CSGALNACT1: variants seen among roughly 807,000 people sequenced by gnomAD.
CSGALNACT1 encodes the protein beta4GalNAcT-1.
A neutral mutation model predicts 51.0 loss-of-function variants in CSGALNACT1; 52 were observed. The observed-to-expected ratio is 1.02, with a 90% CI of 0.82 to 1.29. The LOEUF is 1.29. CSGALNACT1 is among the 50% of genes most tolerant of loss of function. The pLI is 0.00. For missense variants in CSGALNACT1, 935 were observed against 679.2 expected, an observed-to-expected ratio of 1.38 and a Z score of -4.19; for synonymous variants, 341 against 254.4, an observed-to-expected ratio of 1.34 and a Z score of -3.24.
intron 5 of CSGALNACT1, among the ~76,000 whole-genome samples, chr8:19,441,856 C>T (rs1369819257): frequency 6.6e-6 from 1 of 150,886 alleles, no homozygotes; most frequent in African/African-American, 2.4e-5. Flanking sequence ...CTACAATGAA[C>T]TCCAACAAAT....
intron 1 of CSGALNACT1, among the ~76,000 whole-genome samples, chr8:19,753,190 A>G (rs1226077397): frequency 6.6e-6 from 1 of 152,164 alleles, no homozygotes; most frequent in East Asian, 1.9e-4. Context: ...AGTCTGTGCA[A>G]ATGGGATCTC....
intron 5 of CSGALNACT1, among the ~76,000 whole-genome samples, chr8:19,457,167 A>C (rs1192274161): frequency 6.6e-6 from 1 of 152,240 alleles, no homozygotes; most frequent in African/African-American, 2.4e-5. Context: ...CAAAGGTCTA[A>C]GACTATTTGA....
At chr8:19,491,685 A>G (rs1445263300) in intron 4 of CSGALNACT1, among the ~76,000 whole-genome samples, 1 of 152,208 alleles carries the variant, frequency 6.6e-6, no homozygotes, top group Non-Finnish European at 1.5e-5. Context: ...TTTAAGTTTC[A>G]GCAAGAATTT....
intron 1 of CSGALNACT1, among the ~76,000 whole-genome samples, chr8:19,707,062 G>A (rs2062214822): frequency 6.6e-6 from 1 of 152,006 alleles, no homozygotes; most frequent in Admixed American, 6.6e-5. Flanking sequence ...CAGCACCCAG[G>A]GATTCATCTA....
At chr8:19,550,465 C>G (rs1226534005) in intron 3 of CSGALNACT1, among the ~76,000 whole-genome samples, 1 of 152,194 alleles carries the variant, frequency 6.6e-6, no homozygotes, top group Admixed American at 6.5e-5. Flanking sequence ...AGCCCTCTTT[C>G]ATGGATGCAA....
chr8:19,604,063 T>G (rs564590346), upstream of CSGALNACT1, among the ~76,000 whole-genome samples: 9 of 152,310 alleles, frequency 5.9e-5, no homozygotes, highest in African/African-American at 2.2e-4. Context: ...ATTAAAAGTC[T>G]GCTCTTCAGC....
At chr8:19,634,438 G>A (rs1300680198) in intron 1 of CSGALNACT1, among the ~76,000 whole-genome samples, 3 of 151,838 alleles carry the variant, frequency 2.0e-5, no homozygotes, top group Non-Finnish European at 2.9e-5. Flanking sequence ...GAGGCAAGAG[G>A]ATCATTTGAG....
chr8:19,596,157 C>T (rs915999671), intron 2 of CSGALNACT1, among the ~76,000 whole-genome samples: 28 of 152,078 alleles, frequency 1.8e-4, no homozygotes, highest in Non-Finnish European at 1.0e-4. Flanking sequence ...TGTGAGCCAC[C>T]GTGCCCAGCC....
At chr8:19,518,660 C>T (rs551907870) in intron 3 of CSGALNACT1, among the ~76,000 whole-genome samples, 1 of 152,278 alleles carries the variant, frequency 6.6e-6, no homozygotes, top group South Asian at 2.1e-4. Flanking sequence ...AACCTCTGCT[C>T]CTAAACTCCT....
At chr8:19,648,068 A>G (rs373056574) in intron 1 of CSGALNACT1, among the ~76,000 whole-genome samples, 3 of 152,294 alleles carry the variant, frequency 2.0e-5, no homozygotes, top group East Asian at 3.9e-4. Context: ...TTTTGTTTCA[A>G]TATCTCAAGA....
intron 2 of CSGALNACT1, among the ~76,000 whole-genome samples, chr8:19,599,472 A>AAAAGAAAGAAATAAAG (rs1319884772): frequency 7.0e-5 from 8 of 113,806 alleles, no homozygotes; most frequent in Middle Eastern, 4.5e-3. Context: ...GAAAGAAAGA[A>AAAAGAAAGAAATAAAG]AAAGAAAGAA....
At chr8:19,581,379 G>A (rs1426376331) in intron 3 of CSGALNACT1, among the ~76,000 whole-genome samples, 3 of 152,154 alleles carry the variant, frequency 2.0e-5, no homozygotes, top group African/African-American at 7.2e-5. Flanking sequence ...TAAAACTAAG[G>A]ATAAAGTTCA....
chr8:19,662,088 C>A lies in CSGALNACT1; in HGVS notation c.-544+20385G>T, dbSNP rs1405907955. ...CACCCCCCCCCACCCCCCCCCCCCC[C>A]CGCATCTTCAGCAGCTTCAGCTCTT... On this transcript the variant is annotated intron_variant, in intron 1 of 9. Coordinates refer to the CSGALNACT1 transcript ENST00000332246. Among the ~76,000 whole-genome samples the A allele has an allele frequency of 3.5e-5, 4 of 115,388 alleles. No homozygotes were observed. In the East Asian group the frequency reaches 1.0e-3, roughly 30 times the overall value. 75.7% of individuals were successfully genotyped at this position (115,388 alleles called of 152,430 possible).
At chr8:19,406,958 C>G (rs190272820) in intron 9 of CSGALNACT1, among the ~76,000 whole-genome samples, 41 of 152,358 alleles carry the variant, frequency 2.7e-4, no homozygotes, top group Admixed American at 2.5e-3. Flanking sequence ...ATCTGCCCAC[C>G]TTGGCCTCCC....
intron 4 of CSGALNACT1, among the ~76,000 whole-genome samples, chr8:19,494,557 A>C (rs540743767): frequency 1.3e-5 from 2 of 152,320 alleles, no homozygotes; most frequent in East Asian, 3.9e-4. Context: ...AGCACTGAGA[A>C]TGCCTAAGTC....
At chr8:19,571,161 G>T (rs190772450) in intron 3 of CSGALNACT1, among the ~76,000 whole-genome samples, 159 of 152,194 alleles carry the variant, frequency 1.0e-3, no homozygotes, top group Middle Eastern at 0.01. Context: ...GTAAAGATGA[G>T]GTTTTGCTAT....
chr8:19,426,341 C>A (rs2058768674), intron 6 of CSGALNACT1, among the ~76,000 whole-genome samples: 1 of 152,170 alleles, frequency 6.6e-6, no homozygotes, highest in African/African-American at 2.4e-5. Flanking sequence ...TTCTGAAGGA[C>A]AGGCACAAAC....
At chr8:19,627,605 C>T (rs920835302) in intron 1 of CSGALNACT1, among the ~76,000 whole-genome samples, 2 of 152,180 alleles carry the variant, frequency 1.3e-5, no homozygotes, top group African/African-American at 2.4e-5. Context: ...AGAAGGATCA[C>T]TTGAGGCCAG....
intron 4 of CSGALNACT1, among the ~76,000 whole-genome samples, chr8:19,465,741 T>C (rs1419716985): frequency 6.6e-6 from 1 of 152,200 alleles, no homozygotes; most frequent in Non-Finnish European, 1.5e-5. Context: ...TGAAAAGATC[T>C]TGGGCATCCC....
Sources: gnomAD v4.1 joint callset for allele counts (sites outside exome capture counted in the v4.1 genomes callset) on GRCh38, gnomAD v4.1.1 for gene constraint, MANE v1.5 for transcripts, NCBI Gene and HGNC (gene_info 2026-07-23, HGNC 2026-07-21) for gene names.